The following CEACAM5 variants were observed in gnomAD, a reference collection of about 807,000 sequenced individuals.
CEACAM5 encodes the protein CEA cell adhesion molecule 5.
In CEACAM5, 52 loss-of-function variants were observed where a neutral mutation model predicts 63.0. The observed-to-expected ratio is 0.83, with a 90% CI of 0.66 to 1.04. CEACAM5 has a LOEUF of 1.04. CEACAM5 is among the 50% of genes least tolerant of loss of function. CEACAM5 has a pLI of 0.00. For missense variants in CEACAM5, 790 were observed against 864.8 expected, an observed-to-expected ratio of 0.91 and a Z score of 1.08; for synonymous variants, 357 against 351.3, an observed-to-expected ratio of 1.02 and a Z score of -0.18.
At position 41,730,270 on chromosome 19, in the gene CEACAM5, AAG is replaced by A. The variant is rs1462427801; in HGVS notation, c.*1124_*1125del. ...CCCGTCTCTACTAAAAATACAAAAA[AAG>A]TTAGCCGGGCGTGGTGGTGGGGGCC... On this transcript the variant is annotated 3_prime_UTR_variant, in exon 10 of 10. Transcript: ENST00000221992. Among the ~76,000 whole-genome samples the A allele has an allele frequency of 1.3e-5, 2 of 151,788 alleles. No homozygotes were observed. Among genetic ancestry groups the A allele is most frequent in the Non-Finnish European group, 2.9e-5 (2 of 67,912 alleles).
chr19:41,710,331 G>T (rs1296602754), intron 2 of CEACAM5, among the ~76,000 whole-genome samples: 3 of 152,136 alleles, frequency 2.0e-5, no homozygotes, highest in Non-Finnish European at 4.4e-5. Context: ...CCGTAAACCT[G>T]ACCCTGAGAA....
intron 5 of CEACAM5, 106 bp downstream of exon 5, chr19:41,717,839 C>A: frequency 7.1e-7 from 1 of 1,399,360 alleles, no homozygotes. Flanking sequence ...AGACTTTTAC[C>A]CCTGGACATC....
chr19:41,719,645 G>A (rs1201049431), intron 6 of CEACAM5, among the ~76,000 whole-genome samples: 1 of 152,204 alleles, frequency 6.6e-6, no homozygotes, highest in African/African-American at 2.4e-5. Flanking sequence ...AGAACCAAAG[G>A]AGGTGCTGGG....
chr19:41,724,935 T>C (rs1443089177), intron 8 of CEACAM5, among the ~76,000 whole-genome samples: 1 of 152,218 alleles, frequency 6.6e-6, no homozygotes, highest in African/African-American at 2.4e-5. Flanking sequence ...TCTTTCCAAT[T>C]TGGATGTCTT....
intron 3 of CEACAM5, 32 bp from the exon 4 acceptor site, chr19:41,715,618 T>C (rs376690855): frequency 6.8e-5 from 110 of 1,612,694 alleles, no homozygotes; most frequent in East Asian, 4.2e-4. Context: ...CCTCTGACAA[T>C]ATCACCTGTG....
At position 41,717,507 on chromosome 19, in the gene CEACAM5, T is replaced by G. The variant is rs1378605912; in HGVS notation, c.1011T>G (p.Asp337Glu). 1.2e-5 allele frequency: 19 copies of G among 1,614,090 alleles called. No homozygotes were observed. The highest frequency in any genetic ancestry group is 1.3e-5 in the Non-Finnish European group (15 of 1,180,042). The change falls in exon 5 of 10, where the codon GAT becomes GAG. Residue 337 changes from aspartate to glutamate, a missense_variant. Physicochemically the swap from Asp to Glu is conservative, Grantham distance 45 (BLOSUM62 2). Coordinates refer to ENST00000221992, the MANE Select transcript of CEACAM5 (RefSeq NM_004363.6). ...GCAACAACTCCAACCCCGTGGAGGA[T>G]GAGGATGCTGTAGCCTTAACCTGTG... Reference protein sequence around the residue: ...ITSNNSNPVEDEDAVALTCEP... With the variant: ...ITSNNSNPVEEEDAVALTCEP...
chr19:41,730,419 CAAAA>C lies in CEACAM5; in HGVS notation c.*1283_*1286del, dbSNP rs34510228. ...CCTGGGAGACAAAGTGAGACTCCGT[CAAAA>C]AAAAAAAAAAGTCTATGTGGTCAGT... is the stretch of plus-strand genomic sequence containing the variant. On this transcript the variant is annotated 3_prime_UTR_variant, in exon 10 of 10. Transcript: ENST00000221992. 1.5e-5 allele frequency among the ~76,000 whole-genome samples: 2 copies of C among 131,220 alleles called. No homozygotes were observed. Among genetic ancestry groups the C allele is most frequent in the Non-Finnish European group, 1.6e-5 (1 of 60,698 alleles). 86.1% of individuals were successfully genotyped at this position (131,220 alleles called of 152,430 possible). A position where few individuals can be genotyped will look rare whatever the true frequency, so the allele number is the denominator to read the frequency against.
At chr19:41,719,652 TG>T (rs1266298589) in intron 6 of CEACAM5, among the ~76,000 whole-genome samples, 1 of 152,190 alleles carries the variant, frequency 6.6e-6, no homozygotes, top group Admixed American at 6.5e-5. Flanking sequence ...AAGGAGGTGC[TG>T]GGGGCTGTGA....
At chr19:41,719,693 A>G (rs1407554523) in intron 6 of CEACAM5, among the ~76,000 whole-genome samples, 3 of 152,154 alleles carry the variant, frequency 2.0e-5, no homozygotes, top group East Asian at 1.9e-4. Context: ...CCACAACCCA[A>G]CGCTGCTGCC....
Position 41,720,119 on chromosome 19 carries a change from T to A in CEACAM5, c.1682T>A (p.Val561Asp), listed in dbSNP as rs782530350. Residue 561 changes from valine (V) to aspartate (D), a missense_variant, in exon 7 of 10, where the codon GTC (valine) becomes GAC (aspartate). By Grantham distance (152) the Val-to-Asp change is radical. Coordinates refer to ENST00000221992, the MANE Select transcript of CEACAM5 (RefSeq NM_004363.6). ...NGNRTLTLFN[V>D]TRNDARAYVC... ...AACAGGACCCTCACTCTATTCAATGTCACAAGAAATGACGCAAGAGCCTAT... is the reference window on the plus strand; with the variant it reads ...AACAGGACCCTCACTCTATTCAATGACACAAGAAATGACGCAAGAGCCTAT... 6.2e-7 allele frequency: 1 copy of A among 1,614,196 alleles called. No individual in the cohort carries two copies.
chr19:41,728,544 C>G (rs1358174736), intron 9 of CEACAM5, among the ~76,000 whole-genome samples: 1 of 152,124 alleles, frequency 6.6e-6, no homozygotes, highest in East Asian at 1.9e-4. Flanking sequence ...CCTATAATCC[C>G]AGCACTTTGG....
At chr19:41,709,621 A>AT in intron 1 of CEACAM5, 59 bp from the exon 2 acceptor site, 1 of 1,563,070 alleles carries the variant, frequency 6.4e-7, no homozygotes, top group Non-Finnish European at 8.7e-7. Flanking sequence ...CCAGGACCCC[A>AT]TTTTTCCACC....
chr19:41,710,577 T>C (rs1555813898), intron 2 of CEACAM5, among the ~76,000 whole-genome samples: 1 of 152,174 alleles, frequency 6.6e-6, no homozygotes, highest in African/African-American at 2.4e-5. Context: ...ACTTGTTCCC[T>C]GTCCCCAGAG....
chr19:41,717,559 C>T lies in CEACAM5; in HGVS notation c.1063C>T (p.Leu355=), dbSNP rs782487065. ...ACCTGAGATTCAGAACACAACCTAC[C>T]TGTGGTGGGTAAATAATCAGAGCCT... ...CEPEIQNTTY[L]WWVNNQSLPV... is the part of the protein sequence containing the mutation. The change falls in exon 5 of 10, where the codon CTG becomes TTG. Residue 355 remains leucine (L), a synonymous_variant. Coordinates refer to ENST00000221992, the MANE Select transcript of CEACAM5 (RefSeq NM_004363.6). 2.5e-6 allele frequency: 4 copies of T among 1,614,226 alleles called. No homozygotes were observed. Among genetic ancestry groups the T allele is most frequent in the Non-Finnish European group, 1.7e-6 (2 of 1,180,044 alleles).
chr19:41,723,037 A>G (rs1181111650), intron 8 of CEACAM5, among the ~76,000 whole-genome samples: 1 of 151,480 alleles, frequency 6.6e-6, no homozygotes, highest in African/African-American at 2.4e-5. Flanking sequence ...CCTCCCGAGT[A>G]GCTGGGACTA....
Position 41,720,951 on chromosome 19 carries a change from C to T in CEACAM5, c.1801C>T (p.Pro601Ser). 4 of 1,614,138 alleles carry T rather than the reference C, an allele frequency of 2.5e-6. No homozygotes were observed. The South Asian group carries it at 4.4e-5, about 18-fold the overall frequency. Reference sequence around the variant, plus strand: ...GCCGGACACCCCCATCATTTCCCCCCCAGACTCGTCTTACCTTTCGGGAGC... The same window carrying T: ...GCCGGACACCCCCATCATTTCCCCCTCAGACTCGTCTTACCTTTCGGGAGC... ...YGPDTPIISP[P>S]DSSYLSGANL... The change falls in exon 8 of 10, where the codon CCA becomes TCA. Residue 601 changes from proline (P) to serine (S), a missense_variant. Transcript: ENST00000221992.
At chr19:41,716,365 A>G (rs2072526771) in intron 4 of CEACAM5, among the ~76,000 whole-genome samples, 1 of 152,220 alleles carries the variant, frequency 6.6e-6, no homozygotes, top group Non-Finnish European at 1.5e-5. Flanking sequence ...CACAGCTCAG[A>G]CTGCTCCCTG....
intron 2 of CEACAM5, among the ~76,000 whole-genome samples, chr19:41,711,461 G>T (rs2072434712): frequency 6.6e-6 from 1 of 152,174 alleles, no homozygotes; most frequent in Non-Finnish European, 1.5e-5. Flanking sequence ...CCTCTATAGA[G>T]ACTGGATCCT....
At chr19:41,710,467 C>T (rs1555813878) in intron 2 of CEACAM5, among the ~76,000 whole-genome samples, 1 of 152,182 alleles carries the variant, frequency 6.6e-6, no homozygotes. Flanking sequence ...GTGTTGTGGC[C>T]TCCTGGGCAA....
Sources: gnomAD v4.1 joint callset for allele counts (sites outside exome capture counted in the v4.1 genomes callset) on GRCh38, gnomAD v4.1.1 for gene constraint, MANE v1.5 for transcripts, NCBI Gene and HGNC (gene_info 2026-07-23, HGNC 2026-07-21) for gene names.